The following SMURF1 variants were observed in gnomAD, a reference collection of about 807,000 sequenced individuals.
SMURF1 encodes the protein E3 ubiquitin-protein ligase SMURF1.
In SMURF1, 44 loss-of-function variants were observed where a neutral mutation model predicts 98.0. The observed-to-expected ratio is 0.45, with a 90% CI of 0.35 to 0.58. The LOEUF is 0.58. Ranked by LOEUF, SMURF1 falls within the 20% of genes least tolerant of loss-of-function variation. The pLI is 0.00. For synonymous variants in SMURF1, 396 were observed against 374.9 expected (o/e 1.06, Z -0.65); for missense variants, 687 against 938.4 (o/e 0.73, Z 3.50).
In SMURF1 at chr7:99,047,886, G is replaced by C. The variant is rs776617628; in HGVS notation, c.954-4C>G. 4.3e-6 allele frequency: 7 copies of C among 1,613,164 alleles called. No homozygotes were observed. The highest frequency in any genetic ancestry group is 2.2e-5 in the East Asian group (1 of 44,884). Reference sequence around the variant, plus strand: ...CTCCTTGAGTTGGCACTGGTGACTTGAGAAGAAGAGATGCAGAAAGTCACT... The same window carrying C: ...CTCCTTGAGTTGGCACTGGTGACTTCAGAAGAAGAGATGCAGAAAGTCACT... On this transcript the variant is annotated splice_polypyrimidine_tract_variant and splice_region_variant and intron_variant, in intron 9 of 17. Coordinates refer to ENST00000361368, the MANE Select transcript of SMURF1 (RefSeq NM_181349.3).
intron 1 of SMURF1, among the ~76,000 whole-genome samples, chr7:99,071,563 G>A (rs188630253): frequency 6.6e-6 from 1 of 152,168 alleles, no homozygotes; most frequent in African/African-American, 2.4e-5. Context: ...TGAAGTAGGA[G>A]CTCTTCCTGG....
At chr7:99,082,044 G>T (rs1257727041) in intron 1 of SMURF1, among the ~76,000 whole-genome samples, 1 of 152,210 alleles carries the variant, frequency 6.6e-6, no homozygotes, top group African/African-American at 2.4e-5. Context: ...TTGATGCTGA[G>T]CATCTTTTCA....
At position 99,030,553 on chromosome 7, in the gene SMURF1, T is replaced by G; in HGVS notation, c.*31A>C. 41 of 1,593,532 alleles carry G rather than the reference T, an allele frequency of 2.6e-5. No homozygotes were observed. Among genetic ancestry groups the G allele is most frequent in the Non-Finnish European group, 3.4e-5 (40 of 1,161,894 alleles). On this transcript the variant is annotated 3_prime_UTR_variant, in exon 18 of 18. Transcript: ENST00000361368. ...CTGGATGCTTTTGGTCTGGTGGCCA[T>G]GAGCTAGACTCTGTTGCCTTTGGTT... is the stretch of plus-strand genomic sequence containing the variant.
rs1274616771 is a variant in SMURF1 at position 99,041,782 on chromosome 7, C to T, written c.1371+336G>A. Reference sequence around the variant, plus strand: ...GATTCCAGTTTTGACCGGGAGGAGGCTGGACTTCGGAACCTACTCCTTAGA... The same window carrying T: ...GATTCCAGTTTTGACCGGGAGGAGGTTGGACTTCGGAACCTACTCCTTAGA... On this transcript the variant is annotated intron_variant, in intron 12 of 17. Transcript: ENST00000361368. Among the ~76,000 whole-genome samples, 3 of 152,366 alleles carry T rather than the reference C, an allele frequency of 2.0e-5. No individual in the cohort carries two copies. The East Asian group carries it at 5.8e-4, about 29-fold the overall frequency.
At chr7:99,053,669 T>G (rs987947025) in intron 6 of SMURF1, among the ~76,000 whole-genome samples, 3 of 152,200 alleles carry the variant, frequency 2.0e-5, no homozygotes, top group African/African-American at 7.2e-5. Flanking sequence ...TATATTCCCT[T>G]GGGGCCGTGA....
At chr7:99,091,820 T>C (rs1469749809) in intron 1 of SMURF1, among the ~76,000 whole-genome samples, 1 of 152,212 alleles carries the variant, frequency 6.6e-6, no homozygotes, top group Non-Finnish European at 1.5e-5. Flanking sequence ...TTGCCCTAAC[T>C]ACTTTCTGCC....
At chr7:99,047,244 A>C (rs1485023884) in intron 10 of SMURF1, among the ~76,000 whole-genome samples, 1 of 152,196 alleles carries the variant, frequency 6.6e-6, no homozygotes, top group African/African-American at 2.4e-5. Context: ...GAGCCCTCAG[A>C]TGACATCTCA....
chr7:99,116,039 A>G (rs899761081), intron 1 of SMURF1, among the ~76,000 whole-genome samples: 1 of 152,248 alleles, frequency 6.6e-6, no homozygotes, highest in Non-Finnish European at 1.5e-5. Flanking sequence ...ATAATCCTCA[A>G]CGAAATATGC....
chr7:99,099,328 A>T (rs1797022891), intron 1 of SMURF1, among the ~76,000 whole-genome samples: 1 of 151,140 alleles, frequency 6.6e-6, no homozygotes, highest in African/African-American at 2.4e-5. Flanking sequence ...TCAATAGTCG[A>T]GGGAGGTTTT....
intron 16 of SMURF1, among the ~76,000 whole-genome samples, chr7:99,035,201 T>C (rs1411816929): frequency 6.6e-6 from 1 of 152,186 alleles, no homozygotes; most frequent in Non-Finnish European, 1.5e-5. Flanking sequence ...GGATCTTGGC[T>C]AAGCTGGCCT....
intron 1 of SMURF1, among the ~76,000 whole-genome samples, chr7:99,092,479 T>C (rs1247103898): frequency 6.6e-6 from 1 of 152,196 alleles, no homozygotes; most frequent in Non-Finnish European, 1.5e-5. Context: ...AACAAAAAAA[T>C]TGAGTCATCG....
At chr7:99,075,632 GAAA>G (rs112881647) in intron 1 of SMURF1, among the ~76,000 whole-genome samples, 2 of 137,518 alleles carry the variant, frequency 1.5e-5, no homozygotes, top group Non-Finnish European at 3.2e-5. Context: ...TTGATGTGGG[GAAA>G]AAAAAAAAAA....
intron 6 of SMURF1, among the ~76,000 whole-genome samples, chr7:99,053,465 A>G (rs533482079): frequency 9.5e-4 from 145 of 152,358 alleles, no homozygotes; most frequent in Non-Finnish European, 1.6e-3. Context: ...ACCGGTGTTC[A>G]GATTTCTCCA....
chr7:99,094,862 C>G (rs979454330), intron 1 of SMURF1, among the ~76,000 whole-genome samples: 3 of 152,144 alleles, frequency 2.0e-5, no homozygotes, highest in African/African-American at 7.2e-5. Context: ...GTCAAACAGC[C>G]TACAGCTGGG....
rs371350950 is a variant in SMURF1 at position 99,054,765 on chromosome 7, C to T, written c.479+25G>A. 31 of 1,608,350 alleles carry T rather than the reference C, an allele frequency of 1.9e-5. No individual in the cohort carries two copies. The South Asian group carries it at 2.6e-4, about 14-fold the overall frequency. On this transcript the variant is annotated intron_variant, in intron 6 of 17. Transcript: ENST00000361368. Reference sequence around the variant, plus strand: ...GGTTAAGGCAGCAGAGAACTCAGCCCGCCTCTTGCTGTGGTTATACGTACC... The same window carrying T: ...GGTTAAGGCAGCAGAGAACTCAGCCTGCCTCTTGCTGTGGTTATACGTACC...
At chr7:99,086,837 T>G (rs1188261766) in intron 1 of SMURF1, among the ~76,000 whole-genome samples, 1 of 152,234 alleles carries the variant, frequency 6.6e-6, no homozygotes, top group Non-Finnish European at 1.5e-5. Flanking sequence ...CACAATGTCA[T>G]TTATCGGAAA....
chr7:99,087,276 T>C (rs1298230725), intron 1 of SMURF1, among the ~76,000 whole-genome samples: 2 of 152,030 alleles, frequency 1.3e-5, no homozygotes, highest in East Asian at 1.9e-4. Context: ...TCCCAGCTAC[T>C]TGGGAGGCTG....
intron 1 of SMURF1, among the ~76,000 whole-genome samples, chr7:99,117,409 C>A (rs1797483566): frequency 6.6e-6 from 1 of 152,056 alleles, no homozygotes; most frequent in Non-Finnish European, 1.5e-5. Context: ...AGTACGATAG[C>A]ATGATCTCAG....
At chr7:99,143,202 G>C (rs1798174426) in intron 1 of SMURF1, among the ~76,000 whole-genome samples, 3 of 133,756 alleles carry the variant, frequency 2.2e-5, no homozygotes. Context: ...GTCAGGTTTG[G>C]GGAGGAAAGG....
Sources: allele counts gnomAD v4.1 joint callset (sites outside exome capture counted in the v4.1 genomes callset), GRCh38; gene constraint gnomAD v4.1.1; transcripts MANE v1.5; gene names NCBI Gene and HGNC (gene_info 2026-07-23, HGNC 2026-07-21).